The following ODAD2 variants were observed in gnomAD, a reference collection of about 807,000 sequenced individuals.
ODAD2 encodes outer dynein arm docking complex subunit 2, also known as outer dynein arm-docking complex subunit 2.
A neutral mutation model predicts 106.8 loss-of-function variants in ODAD2; 89 were observed. The observed-to-expected ratio is 0.83, with a 90% confidence interval of 0.70 to 0.99. ODAD2 has a LOEUF of 0.99. ODAD2 is among the 50% of genes least tolerant of loss of function. The pLI is 0.00. For missense variants in ODAD2, 1,168 were observed against 1,238.5 expected (o/e 0.94, Z 0.85); for synonymous variants, 404 against 436.2 (o/e 0.93, Z 0.92).
At chr10:27,845,372 G>C (rs1185697092) in intron 19 of ODAD2, among the ~76,000 whole-genome samples, 1 of 152,182 alleles carries the variant, frequency 6.6e-6, no homozygotes, top group Non-Finnish European at 1.5e-5. Flanking sequence ...AGCAAATGCT[G>C]AGAGATTTTG....
Position 27,987,492 on chromosome 10 carries a change from T to C in ODAD2, c.276A>G (p.Leu92=), listed in dbSNP as rs1415101779. 1.2e-6 allele frequency: 2 copies of C among 1,613,404 alleles called. No individual in the cohort carries two copies. The highest frequency in any genetic ancestry group is 1.7e-6 in the Non-Finnish European group (2 of 1,179,638). Reference sequence around the variant, plus strand: ...TTTTAATTTGTGGTACAGAGAGAAATAGCAAAGGCTGTCCATTTTTATCAA... The same window carrying C: ...TTTTAATTTGTGGTACAGAGAGAAACAGCAAAGGCTGTCCATTTTTATCAA... ...EEVDKNGQPL[L]FLSVPQIKIR... The change falls in exon 3 of 20, where the codon CTA becomes CTG. Residue 92 remains leucine (L), a synonymous_variant. Coordinates refer to ENST00000305242, the MANE Select transcript of ODAD2 (RefSeq NM_018076.5).
intron 17 of ODAD2, among the ~76,000 whole-genome samples, chr10:27,885,320 G>T (rs1198619629): frequency 1.3e-5 from 2 of 148,980 alleles, no homozygotes; most frequent in Non-Finnish European, 3.0e-5. Flanking sequence ...AACCATCCTG[G>T]CCAACGTGGT....
chr10:27,842,145 G>C (rs902936522), intron 19 of ODAD2, among the ~76,000 whole-genome samples: 2 of 151,980 alleles, frequency 1.3e-5, no homozygotes, highest in Non-Finnish European at 2.9e-5. Context: ...GTCTTCATTT[G>C]ACCCCCTTTG....
intron 18 of ODAD2, among the ~76,000 whole-genome samples, chr10:27,862,221 G>A (rs1017309568): frequency 6.6e-6 from 1 of 152,014 alleles, no homozygotes; most frequent in Non-Finnish European, 1.5e-5. Flanking sequence ...TATTTTACAA[G>A]GATCTTGTAA....
chr10:27,816,276 C>T (rs943198223), intron 19 of ODAD2, among the ~76,000 whole-genome samples: 3 of 152,062 alleles, frequency 2.0e-5, no homozygotes, highest in African/African-American at 7.2e-5. Flanking sequence ...TAATAAGATA[C>T]AATGTTTTTG....
intron 19 of ODAD2, 73 bp from the exon 20 acceptor site, chr10:27,812,698 G>A: frequency 6.8e-6 from 10 of 1,462,282 alleles, no homozygotes; most frequent in South Asian, 1.5e-5. Context: ...AGTTAGGCTA[G>A]GAAAATAATT....
chr10:27,965,039 C>G (rs1588624410), intron 9 of ODAD2, among the ~76,000 whole-genome samples: 1 of 152,252 alleles, frequency 6.6e-6, no homozygotes, highest in East Asian at 1.9e-4. Context: ...GTCAGTAAGA[C>G]TGAAACCAGG....
At chr10:27,950,833 A>C (rs1470686109) in intron 10 of ODAD2, among the ~76,000 whole-genome samples, 3 of 152,210 alleles carry the variant, frequency 2.0e-5, no homozygotes, top group Non-Finnish European at 2.9e-5. Flanking sequence ...GCAATGCAGA[A>C]AAATTTATAG....
chr10:27,943,607 T>G (rs1447137691), intron 12 of ODAD2, among the ~76,000 whole-genome samples: 1 of 151,834 alleles, frequency 6.6e-6, no homozygotes, highest in Non-Finnish European at 1.5e-5. Context: ...ACCAATATAG[T>G]GAAACTCTGT....
In ODAD2 at chr10:27,971,499, G is replaced by T. The variant is rs189236052; in HGVS notation, c.937-186C>A. 1.7e-4 allele frequency among the ~76,000 whole-genome samples: 26 copies of T among 152,222 alleles called. 1 individual carries two copies. In the East Asian group the frequency reaches 5.0e-3, roughly 29 times the overall value. On this transcript the variant is annotated intron_variant, in intron 7 of 19. Coordinates refer to ENST00000305242, the MANE Select transcript of ODAD2 (RefSeq NM_018076.5). ...CTGTTGGAGTTAGGTGGACAGTAAC[G>T]TGATGTTCCTAAACTCACACCTCTG... is the stretch of plus-strand genomic sequence containing the variant.
intron 3 of ODAD2, 24 bp from the exon 4 acceptor site, chr10:27,985,235 A>C: frequency 6.8e-7 from 1 of 1,461,020 alleles, no homozygotes; most frequent in Non-Finnish European, 9.1e-7. Context: ...AAAAAAGGAG[A>C]CAAATAAAAA....
intron 19 of ODAD2, among the ~76,000 whole-genome samples, chr10:27,818,262 G>A (rs1589741280): frequency 6.6e-6 from 1 of 151,410 alleles, no homozygotes; most frequent in Non-Finnish European, 1.5e-5. Context: ...TATAATCAAG[G>A]GATTGACTTG....
intron 16 of ODAD2, among the ~76,000 whole-genome samples, chr10:27,916,057 T>A (rs1844350290): frequency 6.6e-6 from 1 of 151,974 alleles, no homozygotes; most frequent in African/African-American, 2.4e-5. Context: ...ATTGAAGCAA[T>A]CTTTAGTGGT....
At chr10:27,906,829 C>G (rs1361586285) in intron 17 of ODAD2, among the ~76,000 whole-genome samples, 1 of 152,050 alleles carries the variant, frequency 6.6e-6, no homozygotes, top group Non-Finnish European at 1.5e-5. Context: ...CACATGGACA[C>G]AGGGAGGGGA....
At chr10:27,871,671 T>C (rs1840903509) in intron 17 of ODAD2, among the ~76,000 whole-genome samples, 5 of 152,190 alleles carry the variant, frequency 3.3e-5, no homozygotes, top group Admixed American at 3.3e-4. Flanking sequence ...GTTGTAGATG[T>C]GTGGTATTAT....
intron 17 of ODAD2, among the ~76,000 whole-genome samples, chr10:27,904,691 C>T (rs1843458767): frequency 1.3e-5 from 2 of 152,222 alleles, no homozygotes; most frequent in South Asian, 4.1e-4. Context: ...GCCCATAGGG[C>T]TAGCCCATTT....
Position 27,862,540 on chromosome 10 carries a change from A to G in ODAD2, c.2693T>C (p.Leu898Pro). The change falls in exon 18 of 20, where the codon CTG (leucine) becomes CCG (proline). Residue 898 changes from leucine (L) to proline (P), a missense_variant. Coordinates refer to ENST00000305242, the MANE Select transcript of ODAD2 (RefSeq NM_018076.5). ...NLLKSDNKEV[L>P]ASVCAAITNI... ...GGTAATGGCAGCACATACACTTGCCAGAACTTCTTTGTTATCTGATTTCAG... is the reference window on the plus strand; with the variant it reads ...GGTAATGGCAGCACATACACTTGCCGGAACTTCTTTGTTATCTGATTTCAG... 6.2e-7 allele frequency: 1 copy of G among 1,611,762 alleles called. No individual in the cohort carries two copies. Among genetic ancestry groups the G allele is most frequent in the Non-Finnish European group, 8.5e-7 (1 of 1,178,986 alleles).
At chr10:27,969,147 T>C (rs1766225593) in intron 8 of ODAD2, 129 bp from the exon 9 acceptor site, 5 of 633,578 alleles carry the variant, frequency 7.9e-6, no homozygotes, top group Non-Finnish European at 1.4e-5. Flanking sequence ...CTGACAAGAG[T>C]TCCAGCCTCA....
chr10:27,820,776 A>ATTTTTTTTTTTTTTTTTTT (rs1836539587), intron 19 of ODAD2, among the ~76,000 whole-genome samples: 1 of 130,682 alleles, frequency 7.7e-6, no homozygotes, highest in African/African-American at 3.3e-5. Context: ...AAGCCCAGCA[A>ATTTTTTTTTTTTTTTTTTT]CTTTTTTTTT....
Sources: gnomAD v4.1 joint callset for allele counts (sites outside exome capture counted in the v4.1 genomes callset) on GRCh38, gnomAD v4.1.1 for gene constraint, MANE v1.5 for transcripts, NCBI Gene and HGNC (gene_info 2026-07-23, HGNC 2026-07-21) for gene names.